Variants in BRD7 observed in about 807,000 individuals in gnomAD.
The protein encoded by BRD7 is bromodomain containing 7.
A neutral mutation model predicts 82.1 loss-of-function variants in BRD7; 15 were observed. That is an observed-to-expected ratio of 0.18 (90% CI 0.12 to 0.28). The LOEUF is 0.28. BRD7 is among the 10% of genes least tolerant of loss of function. The pLI is 1.00. For synonymous variants in BRD7, 232 were observed against 266.9 expected, an observed-to-expected ratio of 0.87 and a Z score of 1.27; for missense variants, 638 against 779.9, an observed-to-expected ratio of 0.82 and a Z score of 2.17.
At chr16:50,356,678 T>C (rs1365894541) in intron 2 of BRD7, among the ~76,000 whole-genome samples, 5 of 151,032 alleles carry the variant, frequency 3.3e-5, no homozygotes, top group Admixed American at 1.3e-4. Context: ...TGAAAGGGTA[T>C]AAGGGATCTC....
At chr16:50,351,359 G>C (rs753519044) in intron 4 of BRD7, among the ~76,000 whole-genome samples, 3 of 152,196 alleles carry the variant, frequency 2.0e-5, no homozygotes, top group Non-Finnish European at 4.4e-5. Context: ...TAAGCAGTGA[G>C]ACTAAAAAAT....
chr16:50,328,634 C>A, intron 9 of BRD7, 35 bp downstream of exon 9: 1 of 1,576,494 alleles, frequency 6.3e-7, no homozygotes. Flanking sequence ...TGCCAAATAG[C>A]ATCAAGTTCA....
At chr16:50,357,716 C>G (rs902280054) in intron 2 of BRD7, among the ~76,000 whole-genome samples, 1 of 152,166 alleles carries the variant, frequency 6.6e-6, no homozygotes, top group Non-Finnish European at 1.5e-5. Flanking sequence ...TGCAGTGGCT[C>G]GTGCCTGTAA....
At position 50,325,833 on chromosome 16, in the gene BRD7, A is replaced by T. The variant is rs375373205; in HGVS notation, c.1246T>A (p.Ser416Thr). The T allele has an allele frequency of 6.2e-6, 10 of 1,612,576 alleles. No individual in the cohort carries two copies. In the East Asian group the frequency reaches 1.1e-4, roughly 18 times the overall value. ...TCCTTGCTGATATTTGCAAATGTGGAGTCATAATGCGGTGCATAAGAACTG... is the reference window on the plus strand; with the variant it reads ...TCCTTGCTGATATTTGCAAATGTGGTGTCATAATGCGGTGCATAAGAACTG... The part of the protein sequence containing the change: ...PYSSYAPHYD[S>T]TFANISKDDS... Residue 416 changes from serine to threonine, a missense_variant, in exon 11 of 17, where the codon TCC becomes ACC. This residue lies in a region of BRD7 where 402 missense variants were observed against 500.8 expected (regional missense o/e 0.80). Coordinates refer to ENST00000394688, the MANE Select transcript of BRD7 (RefSeq NM_013263.5).
At chr16:50,350,392 T>A (rs2038468926) in intron 4 of BRD7, among the ~76,000 whole-genome samples, 2 of 152,228 alleles carry the variant, frequency 1.3e-5, no homozygotes, top group South Asian at 4.1e-4. Context: ...GATTTCTTTC[T>A]TTTAAAATAC....
chr16:50,350,831 A>G (rs1412998327), intron 4 of BRD7, among the ~76,000 whole-genome samples: 1 of 152,240 alleles, frequency 6.6e-6, no homozygotes, highest in Non-Finnish European at 1.5e-5. Flanking sequence ...GGAGCTTTAA[A>G]AAAATTCCAA....
chr16:50,339,040 C>A (rs896845104), intron 6 of BRD7, among the ~76,000 whole-genome samples: 1 of 152,236 alleles, frequency 6.6e-6, no homozygotes, highest in Admixed American at 6.5e-5. Flanking sequence ...AACTGTCGTC[C>A]TGGGGACACT....
intron 2 of BRD7, among the ~76,000 whole-genome samples, chr16:50,356,941 A>G (rs1424462963): frequency 2.6e-5 from 4 of 152,094 alleles, no homozygotes; most frequent in African/African-American, 9.7e-5. Flanking sequence ...TCAAAAAGCT[A>G]TTTTCTTGGC....
intron 6 of BRD7, among the ~76,000 whole-genome samples, chr16:50,335,854 T>A (rs1005191118): frequency 2.6e-5 from 4 of 152,222 alleles, no homozygotes; most frequent in Non-Finnish European, 5.9e-5. Flanking sequence ...GATGGTGACA[T>A]CCTCACCAAC....
chr16:50,366,903 A>G lies in BRD7; in HGVS notation c.258+1187T>C, dbSNP rs2039169911. Among the ~76,000 whole-genome samples, 5 of 152,344 alleles carry G rather than the reference A, an allele frequency of 3.3e-5. No individual in the cohort carries two copies. The South Asian group carries it at 8.3e-4, about 25-fold the overall frequency. On this transcript the variant is annotated intron_variant, in intron 2 of 16. Transcript: ENST00000394688. ...TTTCCATTTTGTGTACTTTTGCACC[A>G]CATGAACTACTTTTAAAAAATCAAA...
chr16:50,359,639 CAT>C (rs763583022), intron 2 of BRD7, among the ~76,000 whole-genome samples: 8 of 152,096 alleles, frequency 5.3e-5, no homozygotes, highest in Non-Finnish European at 1.0e-4. Flanking sequence ...AAAAAATAAA[CAT>C]GTTTACAACT....
intron 2 of BRD7, among the ~76,000 whole-genome samples, chr16:50,355,828 TTTGATA>T (rs2038709631): frequency 1.3e-5 from 2 of 152,182 alleles, no homozygotes; most frequent in African/African-American, 4.8e-5. Flanking sequence ...CCTTGATAAA[TTTGATA>T]TTAAGTTGAT....
At chr16:50,359,860 G>C (rs367683679) in intron 2 of BRD7, among the ~76,000 whole-genome samples, 3 of 152,154 alleles carry the variant, frequency 2.0e-5, no homozygotes, top group Non-Finnish European at 4.4e-5. Context: ...AGCTAGGTTG[G>C]GGGTGGAGGT....
chr16:50,327,054 C>G (rs1282301977), intron 9 of BRD7, among the ~76,000 whole-genome samples: 1 of 152,220 alleles, frequency 6.6e-6, no homozygotes, highest in African/African-American at 2.4e-5. Context: ...CTACTGCCAT[C>G]AGTGACCAGT....
intron 5 of BRD7, among the ~76,000 whole-genome samples, chr16:50,341,175 A>AGT (rs1026014916): frequency 3.8e-5 from 4 of 104,706 alleles, no homozygotes; most frequent in African/African-American, 1.3e-4. Context: ...CCAGACCTTA[A>AGT]GTACACACAC....
At chr16:50,368,042 G>T (rs368394431) in intron 2 of BRD7, 48 bp downstream of exon 2, 7 of 1,585,586 alleles carry the variant, frequency 4.4e-6, no homozygotes, top group Non-Finnish European at 6.1e-6. Context: ...TTGGCACCTG[G>T]AAGAGGCAGT....
chr16:50,325,998 G>T, intron 10 of BRD7, 115 bp from the exon 11 acceptor site: 1 of 1,086,872 alleles, frequency 9.2e-7, no homozygotes, highest in Non-Finnish European at 1.3e-6. Context: ...TGGCTGGTTT[G>T]CAAATCTAAG....
intron 8 of BRD7, among the ~76,000 whole-genome samples, chr16:50,329,641 T>C (rs1221714926): frequency 6.6e-6 from 1 of 152,018 alleles, no homozygotes; most frequent in East Asian, 1.9e-4. Context: ...GTATTTGGAG[T>C]GATTGTCGGC....
intron 6 of BRD7, among the ~76,000 whole-genome samples, chr16:50,337,406 A>G (rs1252855796): frequency 6.6e-6 from 1 of 151,770 alleles, no homozygotes; most frequent in African/African-American, 2.4e-5. Context: ...AATTACAGGC[A>G]TGCACCACCA....
Sources: allele counts gnomAD v4.1 joint callset (sites outside exome capture counted in the v4.1 genomes callset), GRCh38; gene constraint gnomAD v4.1.1; regional missense constraint gnomAD v4.1.1; transcripts MANE v1.5; gene names NCBI Gene and HGNC (gene_info 2026-07-23, HGNC 2026-07-21).